Variants in MAGI2 observed in about 807,000 individuals in gnomAD.
MAGI2 encodes membrane-associated guanylate kinase, WW and PDZ domain-containing protein 2.
In MAGI2, 35 loss-of-function variants were observed where a neutral mutation model predicts 133.3. That is an observed-to-expected ratio of 0.26 (90% CI 0.20 to 0.35). The LOEUF (loss-of-function observed/expected upper bound fraction) is 0.35, where lower values mean the gene tolerates loss of function less well. Ranked by LOEUF, MAGI2 falls within the 10% of genes least tolerant of loss-of-function variation. The probability of loss-of-function intolerance (pLI) is 1.00; values close to 1 mark genes in which losing one functional copy is unlikely to be tolerated. For synonymous variants in MAGI2, 729 were observed against 710.6 expected, an observed-to-expected ratio of 1.03 and a Z score of -0.41; for missense variants, 1,636 against 1,863.4, an observed-to-expected ratio of 0.88 and a Z score of 2.25.
At chr7:79,280,662 C>A (rs28694694) in intron 1 of MAGI2, among the ~76,000 whole-genome samples, 2,420 of 152,014 alleles carry the variant, frequency 0.016, 54 homozygotes, top group African/African-American at 0.057. Context: ...GGAGCCATGA[C>A]TTATGCCTGT....
chr7:79,246,841 C>T lies in MAGI2; in HGVS notation c.301+206179G>A, dbSNP rs978953404. 2.0e-5 allele frequency among the ~76,000 whole-genome samples: 3 copies of T among 152,128 alleles called. No individual in the cohort carries two copies. The South Asian group carries it at 6.2e-4, about 32-fold the overall frequency. ...GCAGATTTAACCCAAATAAGACTAC[C>T]TCAAAACATTCAATAATCAAACTCC... On this transcript the variant is annotated intron_variant, in intron 1 of 21. Transcript: ENST00000354212.
chr7:78,711,083 G>A (rs940196232), intron 2 of MAGI2, among the ~76,000 whole-genome samples: 20 of 152,134 alleles, frequency 1.3e-4, no homozygotes, highest in African/African-American at 4.3e-4. Context: ...ATATTCAAAG[G>A]ACTGAGGTTC....
intron 1 of MAGI2, among the ~76,000 whole-genome samples, chr7:79,234,324 GA>G (rs1451657603): frequency 3.3e-5 from 5 of 151,002 alleles, no homozygotes; most frequent in Non-Finnish European, 7.4e-5. Flanking sequence ...TGTATTTCCT[GA>G]ATCTGAACGT....
At chr7:78,987,636 T>C (rs565689175) in intron 2 of MAGI2, among the ~76,000 whole-genome samples, 24 of 152,204 alleles carry the variant, frequency 1.6e-4, no homozygotes, top group South Asian at 6.2e-4. Context: ...TTATTTCATC[T>C]TCTGTTTTCC....
At chr7:79,041,960 C>A (rs572363586) in intron 1 of MAGI2, among the ~76,000 whole-genome samples, 3 of 152,006 alleles carry the variant, frequency 2.0e-5, no homozygotes, top group South Asian at 4.2e-4. Context: ...ATTTCTTTGA[C>A]AAGAAACAAC....
intron 12 of MAGI2, among the ~76,000 whole-genome samples, chr7:78,188,172 T>C (rs1827872243): frequency 6.6e-6 from 1 of 152,192 alleles, no homozygotes; most frequent in Non-Finnish European, 1.5e-5. Context: ...AATTTCCTGT[T>C]TCAAAAGGAA....
intron 5 of MAGI2, among the ~76,000 whole-genome samples, chr7:78,493,774 T>C (rs1004019092): frequency 4.6e-5 from 7 of 152,146 alleles, no homozygotes; most frequent in African/African-American, 1.7e-4. Context: ...GACTTTTACC[T>C]ACTGTTTATG....
intron 18 of MAGI2, among the ~76,000 whole-genome samples, chr7:78,131,136 C>T (rs10256273): frequency 0.018 from 2,809 of 152,304 alleles, 98 homozygotes; most frequent in African/African-American, 0.065. Context: ...CCTCTTGAGT[C>T]TAAGATGAAT....
At position 78,414,835 on chromosome 7, in the gene MAGI2, A is replaced by G. The variant is rs112944166; in HGVS notation, c.1046-45622T>C. 6.8e-3 allele frequency among the ~76,000 whole-genome samples: 1,040 copies of G among 152,232 alleles called. 12 individuals are homozygous for G. Among genetic ancestry groups the G allele is most frequent in the African/African-American group, 0.023 (956 of 41,548 alleles). On this transcript the variant is annotated intron_variant, in intron 6 of 21. Coordinates refer to ENST00000354212, the MANE Select transcript of MAGI2 (RefSeq NM_012301.4). ...AACCTTGTTTAAATATGCTTTTAAT[A>G]GTACTCAAATGGAAAATACATGAAA...
chr7:78,337,670 G>C (rs1473372413), intron 9 of MAGI2, among the ~76,000 whole-genome samples: 1 of 151,986 alleles, frequency 6.6e-6, no homozygotes, highest in Admixed American at 6.6e-5. Context: ...GTTAATTTTT[G>C]AGGTTCATTT....
At chr7:79,193,727 T>C (rs1222470471) in intron 1 of MAGI2, among the ~76,000 whole-genome samples, 5 of 151,780 alleles carry the variant, frequency 3.3e-5, no homozygotes, top group Non-Finnish European at 1.5e-5. Context: ...TAGTACTTTC[T>C]CCCCCCACCA....
At chr7:78,997,924 T>C (rs1806474473) in intron 2 of MAGI2, among the ~76,000 whole-genome samples, 1 of 152,192 alleles carries the variant, frequency 6.6e-6, no homozygotes, top group African/African-American at 2.4e-5. Context: ...ACAATACACC[T>C]CATGCTTCAG....
chr7:78,455,872 C>G (rs1395273448), intron 6 of MAGI2, among the ~76,000 whole-genome samples: 1 of 151,938 alleles, frequency 6.6e-6, no homozygotes, highest in Admixed American at 6.6e-5. Context: ...CAAAAGCTAC[C>G]CACATTTGCC....
chr7:78,363,063 T>C (rs553891655), intron 7 of MAGI2, among the ~76,000 whole-genome samples: 19 of 152,182 alleles, frequency 1.2e-4, no homozygotes, highest in Non-Finnish European at 2.5e-4. Context: ...CATTGGTATA[T>C]CTACTATTAT....
intron 3 of MAGI2, among the ~76,000 whole-genome samples, chr7:78,612,926 T>A (rs1401862653): frequency 6.6e-6 from 1 of 152,140 alleles, no homozygotes; most frequent in African/African-American, 2.4e-5. Context: ...CGCCTCGGCC[T>A]CCCAAAGTGC....
At chr7:78,947,284 C>A (rs183270068) in intron 2 of MAGI2, among the ~76,000 whole-genome samples, 7 of 152,194 alleles carry the variant, frequency 4.6e-5, no homozygotes, top group Non-Finnish European at 1.0e-4. Context: ...CCTCCCCTCA[C>A]CTCACCCAAA....
intron 2 of MAGI2, among the ~76,000 whole-genome samples, chr7:78,876,091 G>C (rs1795395464): frequency 6.6e-6 from 1 of 152,038 alleles, no homozygotes; most frequent in African/African-American, 2.4e-5. Flanking sequence ...GGGAGGCCAA[G>C]GCAGGTGGAT....
At chr7:78,734,930 A>G (rs1821704671) in intron 2 of MAGI2, among the ~76,000 whole-genome samples, 1 of 152,206 alleles carries the variant, frequency 6.6e-6, no homozygotes, top group Non-Finnish European at 1.5e-5. Flanking sequence ...TCTTTGTTGT[A>G]TGCCACTGAG....
chr7:78,955,561 C>T (rs1562712265), intron 2 of MAGI2, among the ~76,000 whole-genome samples: 1 of 151,900 alleles, frequency 6.6e-6, no homozygotes, highest in African/African-American at 2.4e-5. Context: ...TCAAAGTGTC[C>T]CACTTATGTG....
Sources: gnomAD v4.1 joint callset for allele counts (sites outside exome capture counted in the v4.1 genomes callset) on GRCh38, gnomAD v4.1.1 for gene constraint, MANE v1.5 for transcripts, NCBI Gene and HGNC (gene_info 2026-07-23, HGNC 2026-07-21) for gene names.